Variants in CEP104 observed in about 807,000 individuals in gnomAD.
The protein encoded by CEP104 is centrosomal protein of 104 kDa.
In CEP104, 84 loss-of-function variants were observed where a neutral mutation model predicts 113.3. The observed-to-expected ratio is 0.74, with a 90% CI of 0.62 to 0.89. The LOEUF is 0.89. Ranked by LOEUF, CEP104 falls within the 40% of genes least tolerant of loss-of-function variation. The probability of loss-of-function intolerance (pLI) is 0.00; values close to 1 mark genes in which losing one functional copy is unlikely to be tolerated. For missense variants in CEP104, 1,053 were observed against 1,156.6 expected, an observed-to-expected ratio of 0.91 and a Z score of 1.30; for synonymous variants, 378 against 421.7, an observed-to-expected ratio of 0.90 and a Z score of 1.27.
chr1:3,834,877 T>G, intron 11 of CEP104, 48 bp downstream of exon 11: 7 of 1,529,700 alleles, frequency 4.6e-6, no homozygotes, highest in Non-Finnish European at 5.3e-6. Context: ...GTACGGCGCA[T>G]GATCTCATCC....
rs1473789748 is a variant in CEP104 at position 3,857,084 on chromosome 1, C to G, written c.-210G>C. 6.6e-6 allele frequency: 1 copy of G among 152,312 alleles called. No homozygotes were observed. The highest frequency in any genetic ancestry group is 1.5e-5 in the Non-Finnish European group (1 of 68,170). 9.4% of individuals were successfully genotyped at this position (152,312 alleles called of 1,614,324 possible). A position where few individuals can be genotyped will look rare whatever the true frequency, so the allele number is the denominator to read the frequency against. On this transcript the variant is annotated 5_prime_UTR_variant, in exon 1 of 22. Transcript: ENST00000378230. ...CTCAGACGGAACTCGGGGGGCGCCC[C>G]TTCCGCCGCCCCAGGCCGCCTTGCA... is the stretch of plus-strand genomic sequence containing the variant.
Position 3,850,718 on chromosome 1 carries a change from C to G in CEP104, c.113+1577G>C, listed in dbSNP as rs6686381. On this transcript the variant is annotated intron_variant, in intron 2 of 21. Transcript: ENST00000378230. ...CTGACCTCAGGGAAGTCAAGAGACC[C>G]CGAGCCAAACCCAGTGGGAGTCTGT... is the stretch of plus-strand genomic sequence containing the variant. 6.0e-3 allele frequency among the ~76,000 whole-genome samples: 910 copies of G among 152,286 alleles called. 10 individuals are homozygous for G. Among genetic ancestry groups the G allele is most frequent in the African/African-American group, 0.02 (847 of 41,556 alleles).
At chr1:3,826,681 C>T in intron 16 of CEP104, 27 bp downstream of exon 16, 1 of 1,613,410 alleles carries the variant, frequency 6.2e-7, no homozygotes, top group Non-Finnish European at 8.5e-7. Context: ...CACCCCAGTT[C>T]TTTGTGCACC....
At chr1:3,850,692 C>T (rs1644593941) in intron 2 of CEP104, among the ~76,000 whole-genome samples, 1 of 152,152 alleles carries the variant, frequency 6.6e-6, no homozygotes, top group Non-Finnish European at 1.5e-5. Flanking sequence ...CTGCGATGTG[C>T]CTGACCTCAG....
chr1:3,833,653 A>T, intron 12 of CEP104: 1 of 336,660 alleles, frequency 3.0e-6, no homozygotes, highest in Non-Finnish European at 5.1e-6. Flanking sequence ...TAAAAAAAAC[A>T]TTGGAAAAAC....
At chr1:3,842,570 CAG>C (rs879858112) in intron 6 of CEP104, among the ~76,000 whole-genome samples, 13 of 152,186 alleles carry the variant, frequency 8.5e-5, no homozygotes, top group Admixed American at 5.2e-4. Context: ...TGAGCAACTG[CAG>C]AGAGAATCTG....
At chr1:3,842,994 G>T in intron 6 of CEP104, 1 of 414,024 alleles carries the variant, frequency 2.4e-6, no homozygotes, top group Non-Finnish European at 4.4e-6. Context: ...TACCATGCTG[G>T]CCAGGCTGGT....
At chr1:3,844,698 C>CAAA (rs59649331) in intron 6 of CEP104, among the ~76,000 whole-genome samples, 2 of 79,722 alleles carry the variant, frequency 2.5e-5, no homozygotes, top group Admixed American at 2.9e-4. Context: ...AATTCTGTCT[C>CAAA]AAAAAAAAAG....
intron 20 of CEP104, among the ~76,000 whole-genome samples, chr1:3,817,749 T>A (rs907782973): frequency 6.6e-6 from 1 of 152,200 alleles, no homozygotes; most frequent in Non-Finnish European, 1.5e-5. Context: ...TCCCTCTCCA[T>A]CCCTTGAATC....
Position 3,838,850 on chromosome 1 carries a change from C to CTG in CEP104, c.891+112_891+113dup. The CTG allele has an allele frequency of 4.3e-6, 5 of 1,163,364 alleles. No individual in the cohort carries two copies. In the East Asian group the frequency reaches 9.4e-5, roughly 22 times the overall value. 72.1% of individuals were successfully genotyped at this position (1,163,364 alleles called of 1,614,324 possible). A position where few individuals can be genotyped will look rare whatever the true frequency, so the allele number is the denominator to read the frequency against. ...GCCATCCATAACTGTCCCCTGAGCA[C>CTG]TGCAGAGTGTTTTACACTACACTTC... On this transcript the variant is annotated intron_variant, in intron 8 of 21. Coordinates refer to ENST00000378230, the MANE Select transcript of CEP104 (RefSeq NM_014704.4).
At chr1:3,820,093 G>A (rs1013759782) in intron 20 of CEP104, among the ~76,000 whole-genome samples, 25 of 152,298 alleles carry the variant, frequency 1.6e-4, no homozygotes, top group African/African-American at 6.0e-4. Context: ...GTGGTGATGT[G>A]TAAGGCAGTG....
At chr1:3,816,187 G>A in intron 21 of CEP104, 93 bp downstream of exon 21, 3 of 1,078,614 alleles carry the variant, frequency 2.8e-6, no homozygotes, top group South Asian at 3.2e-5. Context: ...AAGGGATGGG[G>A]TCTTGCCATG....
At chr1:3,855,413 C>A (rs532301470) in intron 1 of CEP104, among the ~76,000 whole-genome samples, 39 of 151,458 alleles carry the variant, frequency 2.6e-4, no homozygotes, top group Middle Eastern at 3.4e-3. Context: ...TTGAACTCCT[C>A]CCACCTTAGT....
rs561138173 is a variant in CEP104 at position 3,854,705 on chromosome 1, G to A, written c.-15+2184C>T. 8.3e-5 allele frequency among the ~76,000 whole-genome samples: 12 copies of A among 145,208 alleles called. No individual in the cohort carries two copies. The Admixed American group carries it at 8.5e-4, about 10-fold the overall frequency. ...TTGCCATGTTGGCCAGGCTGGTCTC[G>A]AACTCCTGGCCAATCTGCCCGCCTT... is the stretch of plus-strand genomic sequence containing the variant. On this transcript the variant is annotated intron_variant, in intron 1 of 21. Coordinates refer to ENST00000378230, the MANE Select transcript of CEP104 (RefSeq NM_014704.4).
chr1:3,843,334 A>C (rs1011329477), intron 6 of CEP104: 2 of 556,124 alleles, frequency 3.6e-6, no homozygotes, highest in Non-Finnish European at 6.6e-6. Context: ...CTAAAAAAAA[A>C]AAAAAAGAGG....
Position 3,829,877 on chromosome 1 carries a change from T to C in CEP104, c.1957A>G (p.Ser653Gly). ...TAGAGAATGTTCCTGCGTGTGTTGC[T>C]GTCGTCTGGAGGAAGGTACTCCAGG... ...SILEYLPPDD[S>G]NTRRNILYKT... The change falls in exon 14 of 22, where the codon AGC becomes GGC. Residue 653 changes from serine (S) to glycine (G), a missense_variant. Ser to Gly is a moderately conservative substitution (Grantham distance 56). Transcript: ENST00000378230. 1 of 1,614,192 alleles carries C rather than the reference T, an allele frequency of 6.2e-7. No homozygotes were observed. Among genetic ancestry groups the C allele is most frequent in the South Asian group, 1.1e-5 (1 of 91,072 alleles).
chr1:3,845,221 A>G (rs918508408), intron 5 of CEP104, 68 bp downstream of exon 5: 5 of 1,128,496 alleles, frequency 4.4e-6, no homozygotes, highest in Non-Finnish European at 6.5e-6. Context: ...TTTTTGGGTG[A>G]AAATAAATGA....
Position 3,845,286 on chromosome 1 carries a change from T to TA in CEP104, c.489+2dup, listed in dbSNP as rs1412934502. ...CTTAGGAATTAAAACTTTCCAAACT[T>TA]ACAGTATTGCTTTCATCACTGAAAT... On this transcript the variant is annotated splice_region_variant and intron_variant, in intron 5 of 21. Transcript: ENST00000378230. 6.3e-7 allele frequency: 1 copy of TA among 1,591,294 alleles called. No individual in the cohort carries two copies. Among genetic ancestry groups the TA allele is most frequent in the Non-Finnish European group, 8.6e-7 (1 of 1,163,904 alleles).
chr1:3,826,207 T>C (rs1570782406), intron 17 of CEP104, among the ~76,000 whole-genome samples, 163 bp downstream of exon 17: 1 of 152,238 alleles, frequency 6.6e-6, no homozygotes, highest in African/African-American at 2.4e-5. Context: ...GAAAGTTGTC[T>C]TGACTGACTC....
Sources: allele counts gnomAD v4.1 joint callset (sites outside exome capture counted in the v4.1 genomes callset), GRCh38; gene constraint gnomAD v4.1.1; transcripts MANE v1.5; gene names NCBI Gene and HGNC (gene_info 2026-07-23, HGNC 2026-07-21).